Variants in TTC7B observed in about 807,000 individuals in gnomAD.
The protein encoded by TTC7B is tetratricopeptide repeat domain 7B.
In TTC7B, 28 loss-of-function variants were observed where a neutral mutation model predicts 106.8. The observed-to-expected ratio is 0.26, with a 90% CI of 0.19 to 0.36. The LOEUF (loss-of-function observed/expected upper bound fraction) is 0.36. TTC7B is among the 10% of genes least tolerant of loss of function. The pLI is 1.00. For synonymous variants in TTC7B, 405 were observed against 430.6 expected (o/e 0.94, Z 0.74); for missense variants, 862 against 1,076.4 (o/e 0.80, Z 2.79).
intron 9 of TTC7B, among the ~76,000 whole-genome samples, chr14:90,665,679 C>T (rs535190968): frequency 4.2e-4 from 64 of 152,312 alleles, no homozygotes; most frequent in South Asian, 1.7e-3. Context: ...CTGAAGTCTA[C>T]GTCCAAAATT....
At chr14:90,748,709 A>G (rs781601890) in intron 3 of TTC7B, among the ~76,000 whole-genome samples, 3 of 152,096 alleles carry the variant, frequency 2.0e-5, no homozygotes, top group Non-Finnish European at 4.4e-5. Flanking sequence ...CTCCCCTCCC[A>G]GCCTTTATTA....
At chr14:90,741,174 G>A (rs1889747398) in intron 4 of TTC7B, among the ~76,000 whole-genome samples, 1 of 152,186 alleles carries the variant, frequency 6.6e-6, no homozygotes, top group Admixed American at 6.5e-5. Flanking sequence ...TCGAGGGGAA[G>A]CCAGGTCAGT....
chr14:90,665,368 C>T (rs1288105855), intron 9 of TTC7B, among the ~76,000 whole-genome samples: 2 of 152,204 alleles, frequency 1.3e-5, no homozygotes, highest in East Asian at 3.8e-4. Flanking sequence ...AAAACGTTTC[C>T]TTTTGGTAGC....
rs1892379608 is a variant in TTC7B at position 90,600,448 on chromosome 14, C to T, written c.1967-6822G>A. 6.6e-6 allele frequency among the ~76,000 whole-genome samples: 1 copy of T among 152,174 alleles called. No individual in the cohort carries two copies. The highest frequency in any genetic ancestry group is 1.5e-5 in the Non-Finnish European group (1 of 68,030). ...CCATGAGGGCTCCTGCTGTGGGTTC[C>T]TCTGATAAATAAATCACCTTGGTCA... On this transcript the variant is annotated intron_variant, in intron 17 of 19. Coordinates refer to ENST00000328459, the MANE Select transcript of TTC7B (RefSeq NM_001010854.2). This position sits in a 1 kb window ranked among gnomAD's most constrained non-coding sequence, Gnocchi z 4.3.
chr14:90,814,534 A>C (rs1401415968), intron 1 of TTC7B, among the ~76,000 whole-genome samples: 1 of 152,184 alleles, frequency 6.6e-6, no homozygotes, highest in Non-Finnish European at 1.5e-5. Context: ...TATTGGGTGA[A>C]TGAATAAGCA....
chr14:90,685,624 A>G (rs2139934368), intron 7 of TTC7B, among the ~76,000 whole-genome samples: 1 of 152,278 alleles, frequency 6.6e-6, no homozygotes, highest in South Asian at 2.1e-4. Context: ...AAAAGAGAAA[A>G]ACGACTTAAA....
chr14:90,796,770 C>T (rs972714730), intron 1 of TTC7B, among the ~76,000 whole-genome samples: 18 of 152,270 alleles, frequency 1.2e-4, no homozygotes, highest in African/African-American at 4.3e-4. Flanking sequence ...AAGAAACACA[C>T]CGCTATTCAG....
intron 9 of TTC7B, chr14:90,676,304 G>T: frequency 2.4e-6 from 1 of 416,550 alleles, no homozygotes; most frequent in Non-Finnish European, 4.3e-6. Context: ...GGTGGGTTAT[G>T]GAACTCTCAT....
In TTC7B at chr14:90,600,826, G is replaced by C. The variant is rs1892394739; in HGVS notation, c.1967-7200C>G. On this transcript the variant is annotated intron_variant, in intron 17 of 19. Transcript: ENST00000328459. The surrounding 1 kb of genome is among the most constrained non-coding windows in gnomAD (Gnocchi z 4.3). Reference sequence around the variant, plus strand: ...AGCCGCTGCCGGTGGCTCTGCGCTAGAGACAGTACCTTCTGGAGGACTACA... The same window carrying C: ...AGCCGCTGCCGGTGGCTCTGCGCTACAGACAGTACCTTCTGGAGGACTACA... 6.6e-6 allele frequency among the ~76,000 whole-genome samples: 1 copy of C among 152,208 alleles called. No homozygotes were observed. The highest frequency in any genetic ancestry group is 2.4e-5 in the African/African-American group (1 of 41,462).
chr14:90,747,229 T>C (rs892200129), intron 3 of TTC7B, among the ~76,000 whole-genome samples: 4 of 152,196 alleles, frequency 2.6e-5, no homozygotes, highest in African/African-American at 4.8e-5. Flanking sequence ...TCTTCCTTGA[T>C]TGGCAATATT....
chr14:90,745,137 G>T (rs1889912385), intron 3 of TTC7B, among the ~76,000 whole-genome samples: 1 of 151,818 alleles, frequency 6.6e-6, no homozygotes, highest in South Asian at 2.1e-4. Flanking sequence ...GAATAGAAGG[G>T]GTGACAGCAA....
intron 1 of TTC7B, among the ~76,000 whole-genome samples, chr14:90,809,833 T>G (rs2030803605): frequency 6.6e-6 from 1 of 151,978 alleles, no homozygotes; most frequent in Non-Finnish European, 1.5e-5. Flanking sequence ...ATCGGTGGAG[T>G]AGGGGAGGGA....
intron 5 of TTC7B, among the ~76,000 whole-genome samples, chr14:90,712,649 T>C (rs1888493467): frequency 6.6e-6 from 1 of 152,098 alleles, no homozygotes; most frequent in South Asian, 2.1e-4. Context: ...AGAGGTTGGA[T>C]TAGAATATTT....
intron 19 of TTC7B, 34 bp from the exon 20 acceptor site, chr14:90,541,623 C>A: frequency 1.3e-6 from 2 of 1,496,836 alleles, no homozygotes; most frequent in Non-Finnish European, 1.8e-6. Flanking sequence ...AGACAGTCAG[C>A]CATGGAGGCT....
chr14:90,599,357 T>C (rs766104210), intron 17 of TTC7B, among the ~76,000 whole-genome samples: 2 of 152,152 alleles, frequency 1.3e-5, no homozygotes, highest in Non-Finnish European at 2.9e-5. Context: ...TCACAGCACA[T>C]AGAAGATGAG....
Position 90,689,729 on chromosome 14 carries a change from G to A in TTC7B, c.778-17C>T. The A allele has an allele frequency of 6.2e-7, 1 of 1,612,492 alleles. No homozygotes were observed. Among genetic ancestry groups the A allele is most frequent in the Non-Finnish European group, 8.5e-7 (1 of 1,179,288 alleles). ...GGCTATTGTCTGGGAACATAAACGAGGAAAAGCATAGCCATGAATCTATCT... is the reference window on the plus strand; with the variant it reads ...GGCTATTGTCTGGGAACATAAACGAAGAAAAGCATAGCCATGAATCTATCT... On this transcript the variant is annotated splice_polypyrimidine_tract_variant and intron_variant, in intron 6 of 19. Coordinates refer to ENST00000328459, the MANE Select transcript of TTC7B (RefSeq NM_001010854.2).
chr14:90,584,012 C>A (rs1891614348), intron 18 of TTC7B, among the ~76,000 whole-genome samples: 1 of 152,158 alleles, frequency 6.6e-6, no homozygotes, highest in Admixed American at 6.5e-5. Flanking sequence ...TTTCACCTTT[C>A]CATTCTTCCT....
chr14:90,657,271 C>T lies in TTC7B; in HGVS notation c.1244G>A (p.Arg415His), dbSNP rs142762784. ...LSLMAAGKSA[R>H]AVKVLKECIR... Reference sequence around the variant, plus strand: ...ACACTCTTTCAGCACCTTCACGGCACGGGCAGACTTGGCAAGAGAAGATTA... The same window carrying T: ...ACACTCTTTCAGCACCTTCACGGCATGGGCAGACTTGGCAAGAGAAGATTA... Residue 415 changes from arginine (R) to histidine (H), a missense_variant, in exon 11 of 20, where the codon CGT (arginine) becomes CAT (histidine). Coordinates refer to ENST00000328459, the MANE Select transcript of TTC7B (RefSeq NM_001010854.2). The surrounding 1 kb of genome is among the most constrained non-coding windows in gnomAD (Gnocchi z 4.2). The T allele has an allele frequency of 8.2e-5, 133 of 1,613,690 alleles. No individual in the cohort carries two copies. The East Asian group carries it at 2.1e-3, about 26-fold the overall frequency.
rs566539552 is a variant in TTC7B at position 90,727,192 on chromosome 14, A to T, written c.698+2883T>A. 5.9e-5 allele frequency among the ~76,000 whole-genome samples: 9 copies of T among 152,230 alleles called. No individual in the cohort carries two copies. In the East Asian group the frequency reaches 1.4e-3, roughly 23 times the overall value. On this transcript the variant is annotated intron_variant, in intron 5 of 19. Coordinates refer to ENST00000328459, the MANE Select transcript of TTC7B (RefSeq NM_001010854.2). ...AGCCTTAGGAGAAATCACCCAACCA[A>T]CAGAGGCTGGGAACTGTCTGTGGGC...
Sources: gnomAD v4.1 joint callset for allele counts (sites outside exome capture counted in the v4.1 genomes callset) on GRCh38, gnomAD v4.1.1 for gene constraint, Gnocchi (gnomAD v3.1) non-coding constraint, MANE v1.5 for transcripts, NCBI Gene and HGNC (gene_info 2026-07-23, HGNC 2026-07-21) for gene names.